The following ABCA4 variants were observed in gnomAD, a reference collection of about 807,000 sequenced individuals.
ABCA4 encodes the protein retinal-specific phospholipid-transporting ATPase ABCA4.
ABCA4 carries 196 observed loss-of-function variants against 263.7 expected under a neutral mutation model. That is an observed-to-expected ratio of 0.74 (90% CI 0.66 to 0.84). The LOEUF (loss-of-function observed/expected upper bound fraction) is 0.84. Ranked by LOEUF, ABCA4 falls within the 40% of genes least tolerant of loss-of-function variation. The probability of loss-of-function intolerance (pLI) is 0.00; values close to 1 mark genes in which losing one functional copy is unlikely to be tolerated. For missense variants in ABCA4, 2,792 were observed against 2,855.1 expected (o/e 0.98, Z 0.50); for synonymous variants, 1,133 against 1,094.2 (o/e 1.04, Z -0.70).
chr1:94,079,323 T>C lies in ABCA4; in HGVS notation c.1238A>G (p.Asn413Ser), dbSNP rs1661622820. The change falls in exon 9 of 50, where the codon AAT becomes AGT. Residue 413 changes from asparagine (N) to serine (S), a missense_variant and splice_region_variant. Physicochemically the swap from Asn to Ser is conservative, Grantham distance 46 (BLOSUM62 1). Coordinates refer to ENST00000370225, the MANE Select transcript of ABCA4 (RefSeq NM_000350.3). ...DSPAARRILK[N>S]ANSTFEELEH... ...AGGCAAGCCCAGCTGGGATCTTACA[T>C]TCTTCAGTATCCTTCGTGCTGCAGG... 6.2e-7 allele frequency: 1 copy of C among 1,614,114 alleles called. No individual in the cohort carries two copies. Among genetic ancestry groups the C allele is most frequent in the East Asian group, 2.2e-5 (1 of 44,880 alleles).
intron 6 of ABCA4, among the ~76,000 whole-genome samples, chr1:94,096,280 T>C (rs1015581265): frequency 2.0e-5 from 3 of 152,154 alleles, no homozygotes; most frequent in Admixed American, 1.3e-4. Context: ...GTAGGACACA[T>C]TGAATCACTG....
chr1:94,014,203 A>AGATGGAGGGAG (rs1553187858), intron 38 of ABCA4, among the ~76,000 whole-genome samples: 2 of 126,342 alleles, frequency 1.6e-5, no homozygotes, highest in African/African-American at 2.7e-5. Context: ...GAAAGAAGGA[A>AGATGGAGGGAG]GGATGGAGGG....
intron 37 of ABCA4, among the ~76,000 whole-genome samples, chr1:94,015,076 T>C (rs995479108): frequency 2.0e-5 from 3 of 152,166 alleles, no homozygotes; most frequent in Non-Finnish European, 4.4e-5. Flanking sequence ...CAGCTTATAG[T>C]CAGGTTGGTT....
chr1:94,030,407 C>G (rs757601993), intron 29 of ABCA4, 21 bp downstream of exon 29: 1 of 1,612,300 alleles, frequency 6.2e-7, no homozygotes, highest in Non-Finnish European at 8.5e-7. Flanking sequence ...CTTCTTAGGA[C>G]AGGGGCGCGT....
Position 94,074,274 on chromosome 1 carries a change from C to T in ABCA4, c.1554+3416G>A, listed in dbSNP as rs137866734. ...ACACAAGCAATGGGGAAAGGATTCC[C>T]TATTTAATAAATGGTGTTGGGAAAA... On this transcript the variant is annotated intron_variant, in intron 11 of 49. Transcript: ENST00000370225. Among the ~76,000 whole-genome samples, 1,013 of 152,268 alleles carry T rather than the reference C, an allele frequency of 6.7e-3. 3 individuals are homozygous for T. Among genetic ancestry groups the T allele is most frequent in the Non-Finnish European group, 0.011 (721 of 68,014 alleles).
At chr1:94,098,734 G>A in intron 6 of ABCA4, 60 bp downstream of exon 6, 1 of 1,589,072 alleles carries the variant, frequency 6.3e-7, no homozygotes, top group Admixed American at 1.7e-5. Context: ...GTCAATTCGT[G>A]AGGCTCTGCT....
intron 5 of ABCA4, among the ~76,000 whole-genome samples, chr1:94,101,899 G>A (rs538436455): frequency 6.0e-4 from 91 of 152,336 alleles, no homozygotes; most frequent in Middle Eastern, 3.4e-3. Context: ...TTTGGACCCA[G>A]TTCACCTGGA....
At chr1:94,063,885 G>A (rs1241401605) in intron 11 of ABCA4, among the ~76,000 whole-genome samples, 1 of 152,070 alleles carries the variant, frequency 6.6e-6, no homozygotes, top group Non-Finnish European at 1.5e-5. Flanking sequence ...GACAAGTAAT[G>A]CTGGGGGAGG....
intron 11 of ABCA4, among the ~76,000 whole-genome samples, chr1:94,070,139 C>T (rs956035425): frequency 2.0e-5 from 3 of 152,194 alleles, no homozygotes; most frequent in Admixed American, 6.5e-5. Flanking sequence ...TGCTAATCAA[C>T]AGAGCTGGGC....
rs367995069 is a variant in ABCA4 at position 94,032,528 on chromosome 1, C to T, written c.3863-485G>A. ...GCAGGCACCTGTAATCCCAACTACT[C>T]GGGAGGCTGAGGCAGGAGAATCACT... is the stretch of plus-strand genomic sequence containing the variant. On this transcript the variant is annotated intron_variant, in intron 26 of 49. Transcript: ENST00000370225. Among the ~76,000 whole-genome samples the T allele has an allele frequency of 2.2e-4, 34 of 152,112 alleles. 1 individual carries two copies. The highest frequency in any genetic ancestry group is 5.8e-4 in the African/African-American group (24 of 41,498).
At chr1:94,045,884 C>T (rs1252146911) in intron 19 of ABCA4, 1 of 456,280 alleles carries the variant, frequency 2.2e-6, no homozygotes, top group South Asian at 1.5e-5. Context: ...TCTGCTGCTC[C>T]TTGGGAAACC....
Position 94,056,607 on chromosome 1 carries a change from C to T in ABCA4, c.2376G>A (p.Lys792=). Residue 792 remains lysine (K), a synonymous_variant, in exon 15 of 50, where the codon AAG becomes AAA. Coordinates refer to ENST00000370225, the MANE Select transcript of ABCA4 (RefSeq NM_000350.3). ...GCCAGCCCAAGGGCCTCACCACAGC[C>T]TTCTTCAGCTCAGCGGTCATGCGGT... ...WQDRMTAELK[K]AVSLLSPVAF... is the part of the protein sequence containing the mutation. 1 of 1,612,774 alleles carries T rather than the reference C, an allele frequency of 6.2e-7. No homozygotes were observed. The highest frequency in any genetic ancestry group is 8.5e-7 in the Non-Finnish European group (1 of 1,179,974).
Position 94,001,054 on chromosome 1 carries a change from C to T in ABCA4, c.6334G>A (p.Val2112Ile), listed in dbSNP as rs571031879. 1.5e-5 allele frequency: 25 copies of T among 1,614,012 alleles called. No individual in the cohort carries two copies. Among genetic ancestry groups the T allele is most frequent in the African/African-American group, 8.0e-5 (6 of 74,910 alleles). ...CCTTCTCTGATGATGCTCACGATGA[C>T]GTTCCACAGCATGCGGCGTGCCTGG... ...DPQARRMLWN[V>I]IVSIIREGRA... The change falls in exon 46 of 50, where the codon GTC (valine) becomes ATC (isoleucine). Residue 2112 changes from valine to isoleucine, a missense_variant. Physicochemically the swap from Val to Ile is conservative, Grantham distance 29. Transcript: ENST00000370225.
At position 94,055,432 on chromosome 1, in the gene ABCA4, G is replaced by A. The variant is rs2101068150; in HGVS notation, c.2383-117C>T. 5 of 996,502 alleles carry A rather than the reference G, an allele frequency of 5.0e-6. No individual in the cohort carries two copies. The East Asian group carries it at 7.7e-5, about 15-fold the overall frequency. 61.7% of individuals were successfully genotyped at this position (996,502 alleles called of 1,614,324 possible). On this transcript the variant is annotated intron_variant, in intron 15 of 49. Transcript: ENST00000370225. The stretch of plus-strand genomic sequence containing the variant: ...AAAAGAGGGTCCCCATTGTCTCTCA[G>A]TGTAAGGTCAGCTCAGGAGGGTGAA...
At chr1:94,106,545 A>G (rs914029887) in intron 4 of ABCA4, among the ~76,000 whole-genome samples, 5 of 152,208 alleles carry the variant, frequency 3.3e-5, no homozygotes, top group South Asian at 4.1e-4. Context: ...TACTATTAAA[A>G]TGGTAATTGT....
At chr1:94,113,551 A>T (rs373922616) in intron 1 of ABCA4, among the ~76,000 whole-genome samples, 9 of 152,388 alleles carry the variant, frequency 5.9e-5, no homozygotes, top group Admixed American at 4.6e-4. Context: ...TCACATCAGC[A>T]GTGGCAGCAT....
At chr1:94,044,108 TCCTTCCTTCCTTCCTCCCTTCCTTCCTC>T (rs1660603280) in intron 20 of ABCA4, among the ~76,000 whole-genome samples, 1 of 126,568 alleles carries the variant, frequency 7.9e-6, no homozygotes, top group African/African-American at 2.9e-5. Context: ...CTTCCTTCCT[TCCTTCCTTCCTTCCTCCCTTCCTTCCTC>T]CCTTCCTTTT....
Position 94,021,744 on chromosome 1 carries a change from C to T in ABCA4, c.4774-30G>A, listed in dbSNP as rs111505866. On this transcript the variant is annotated intron_variant, in intron 33 of 49. Transcript: ENST00000370225. ...AAACCATGTAAACAAACAAACAAGA[C>T]GGTTTTAATTTTTTTTTCCTGTTAT... 1,601 of 1,609,678 alleles carry T rather than the reference C, an allele frequency of 9.9e-4. 15 individuals are homozygous for T. In the African/African-American group the frequency reaches 0.019, roughly 19 times the overall value.
intron 42 of ABCA4, 61 bp from the exon 43 acceptor site, chr1:94,007,801 C>A (rs1659433327): frequency 3.4e-6 from 5 of 1,489,654 alleles, no homozygotes; most frequent in Non-Finnish European, 9.4e-7. Flanking sequence ...AATGTCAGGC[C>A]CCAGGGTAAG....
Sources: allele counts gnomAD v4.1 joint callset (sites outside exome capture counted in the v4.1 genomes callset), GRCh38; gene constraint gnomAD v4.1.1; transcripts MANE v1.5; gene names NCBI Gene and HGNC (gene_info 2026-07-23, HGNC 2026-07-21).